PPP2R2D: variants seen among roughly 807,000 people sequenced by gnomAD.
The protein encoded by PPP2R2D is serine/threonine-protein phosphatase 2A 55 kDa regulatory subunit B delta isoform.
A neutral mutation model predicts 31.1 loss-of-function variants in PPP2R2D; 9 were observed. The ratio of observed to expected loss-of-function variants is 0.29; its 90% CI spans 0.17 to 0.51. The LOEUF (loss-of-function observed/expected upper bound fraction) is 0.51, where lower values mean the gene tolerates loss of function less well. Ranked by LOEUF, PPP2R2D falls within the 20% of genes least tolerant of loss-of-function variation. The probability of loss-of-function intolerance (pLI) is 0.98; values close to 1 mark genes in which losing one functional copy is unlikely to be tolerated. For missense variants in PPP2R2D, 391 were observed against 465.6 expected (o/e 0.84, Z 1.48); for synonymous variants, 179 against 172.6 (o/e 1.04, Z -0.29).
At chr10:131,918,330 GTGTT>G (rs1331437466) in intron 2 of PPP2R2D, among the ~76,000 whole-genome samples, 13 of 145,262 alleles carry the variant, frequency 8.9e-5, no homozygotes, top group African/African-American at 2.4e-4. Context: ...GAATGACACA[GTGTT>G]TGTAGGGACC....
At chr10:131,927,416 C>T (rs1353675445) in intron 2 of PPP2R2D, among the ~76,000 whole-genome samples, 4 of 151,322 alleles carry the variant, frequency 2.6e-5, no homozygotes, top group African/African-American at 4.9e-5. Context: ...GCGGGTCGGA[C>T]GGGTGCGCGG....
chr10:131,934,491 C>A lies in PPP2R2D; in HGVS notation c.134C>A (p.Ser45Tyr). 1.3e-6 allele frequency: 1 copy of A among 780,488 alleles called. No homozygotes were observed. Among genetic ancestry groups the A allele is most frequent in the Non-Finnish European group, 2.4e-6 (1 of 417,908 alleles). The allele number at this position is 780,488 out of a possible 1,614,324, so 48.3% of individuals were successfully genotyped here. The change falls in exon 3 of 9, where the codon TCT becomes TAT. Residue 45 changes from serine to tyrosine, a missense_variant. Transcript: ENST00000455566. ...ATTTCCACCGTTGAGTTTAATTACT[C>A]TGGAGATCTTCTTGCAACAGGAGAC... ...DIISTVEFNY[S>Y]GDLLATGDKG...
chr10:131,941,327 CTT>C (rs1311616058), intron 5 of PPP2R2D, among the ~76,000 whole-genome samples: 1 of 152,180 alleles, frequency 6.6e-6, no homozygotes, highest in East Asian at 1.9e-4. Flanking sequence ...ACCTCAATGT[CTT>C]ATAATTGGCC....
intron 2 of PPP2R2D, among the ~76,000 whole-genome samples, chr10:131,908,150 A>G (rs981069742): frequency 6.6e-6 from 1 of 152,210 alleles, no homozygotes; most frequent in Non-Finnish European, 1.5e-5. Context: ...AAACACAAAA[A>G]TAGCAGTTTC....
In PPP2R2D at chr10:131,956,208, A is replaced by G; in HGVS notation, c.*245A>G. On this transcript the variant is annotated 3_prime_UTR_variant, in exon 9 of 9. Coordinates refer to ENST00000455566, the MANE Select transcript of PPP2R2D (RefSeq NM_018461.5). ...GCAGAGTTGACGGACACTGCTCCCA[A>G]AAGGTCATTACTCAGAATAAATGTA... 1 of 1,201,134 alleles carries G rather than the reference A, an allele frequency of 8.3e-7. No individual in the cohort carries two copies. The highest frequency in any genetic ancestry group is 1.0e-6 in the Non-Finnish European group (1 of 968,818). The allele number at this position is 1,201,134 out of a possible 1,614,324, so 74.4% of individuals were successfully genotyped here.
chr10:131,924,067 C>T (rs2036049983), intron 2 of PPP2R2D, among the ~76,000 whole-genome samples: 1 of 152,168 alleles, frequency 6.6e-6, no homozygotes. Context: ...GGATACAAGT[C>T]CCTTATCAGA....
the PPP2R2D span, among the ~76,000 whole-genome samples, chr10:131,966,190 C>T: frequency 2.3e-3 from 353 of 152,276 alleles, no homozygotes; most frequent in African/African-American, 7.8e-3. Context: ...AACGTGTCGG[C>T]GTCACGTTCC....
intron 2 of PPP2R2D, among the ~76,000 whole-genome samples, chr10:131,927,429 T>C (rs1324490528): frequency 6.6e-6 from 1 of 152,058 alleles, no homozygotes. Flanking sequence ...GTGCGCGGGT[T>C]GGAGTACAGG....
In PPP2R2D at chr10:131,957,009, CGTTG is replaced by C. The variant is rs1483723648; in HGVS notation, c.*1050_*1053del. ...TTTTAATTACACGATGCCACCAGTA[CGTTG>C]GTTTATTTTCAAAGTAGGATCTTTG... is the stretch of plus-strand genomic sequence containing the variant. On this transcript the variant is annotated 3_prime_UTR_variant, in exon 9 of 9. Coordinates refer to ENST00000455566, the MANE Select transcript of PPP2R2D (RefSeq NM_018461.5). 3.3e-5 allele frequency: 5 copies of C among 152,396 alleles called. No homozygotes were observed. Among genetic ancestry groups the C allele is most frequent in the Middle Eastern group, 3.4e-3 (1 of 294 alleles). The allele number at this position is 152,396 out of a possible 1,614,324, so 9.4% of individuals were successfully genotyped here.
chr10:131,928,467 C>T (rs1334002798), intron 2 of PPP2R2D, among the ~76,000 whole-genome samples: 1 of 152,190 alleles, frequency 6.6e-6, no homozygotes, highest in Admixed American at 6.5e-5. Flanking sequence ...TTAGGTGATG[C>T]GTTTTAAGTA....
At chr10:131,944,186 G>A (rs373017401) in intron 6 of PPP2R2D, 41 bp downstream of exon 6, 177 of 1,532,766 alleles carry the variant, frequency 1.2e-4, no homozygotes, top group Middle Eastern at 6.1e-4. Context: ...TCCCGAGGGT[G>A]CTCTTTAGAT....
At chr10:131,954,009 AG>A (rs1356683286) in intron 8 of PPP2R2D, among the ~76,000 whole-genome samples, 1 of 152,198 alleles carries the variant, frequency 6.6e-6, no homozygotes, top group Non-Finnish European at 1.5e-5. Context: ...GAGGCGTTTC[AG>A]TGCTGCCTCA....
rs2035484387 is a variant in PPP2R2D at position 131,901,113 on chromosome 10, C to G, written c.-36C>G. The G allele has an allele frequency of 4.3e-6, 1 of 230,932 alleles. No homozygotes were observed. The highest frequency in any genetic ancestry group is 2.3e-5 in the African/African-American group (1 of 42,708). The allele number at this position is 230,932 out of a possible 1,614,324, so 14.3% of individuals were successfully genotyped here. ...GCGGCGCGGAGGCCGTCTCCCTGGT[C>G]TGCCGCGGTCCCCGCCCGTCCCGCC... is the stretch of plus-strand genomic sequence containing the variant. On this transcript the variant is annotated 5_prime_UTR_variant, in exon 1 of 9. Coordinates refer to ENST00000455566, the MANE Select transcript of PPP2R2D (RefSeq NM_018461.5).
chr10:131,906,723 C>G (rs1589919877), intron 2 of PPP2R2D, among the ~76,000 whole-genome samples: 1 of 149,666 alleles, frequency 6.7e-6, no homozygotes, highest in Non-Finnish European at 1.5e-5. Flanking sequence ...CAATTTGAGA[C>G]CAGCCTGGGC....
chr10:131,970,849 T>C, the PPP2R2D span: 1 of 1,614,172 alleles, frequency 6.2e-7, no homozygotes. This position sits in a 1 kb window ranked among gnomAD's most constrained non-coding sequence, Gnocchi z 4.1. Context: ...CCCGTGACAC[T>C]GAGAACACAC....
chr10:131,936,046 A>G (rs2119820045), intron 3 of PPP2R2D, among the ~76,000 whole-genome samples: 1 of 152,136 alleles, frequency 6.6e-6, no homozygotes, highest in East Asian at 1.9e-4. Flanking sequence ...CTGGGCAACA[A>G]GAGTGAGACT....
chr10:131,905,706 G>C (rs1175232122), intron 2 of PPP2R2D, among the ~76,000 whole-genome samples: 1 of 152,226 alleles, frequency 6.6e-6, no homozygotes, highest in African/African-American at 2.4e-5. Flanking sequence ...AGGCGTGGGA[G>C]CAATTAACCT....
intron 2 of PPP2R2D, among the ~76,000 whole-genome samples, 165 bp from the exon 3 acceptor site, chr10:131,934,293 T>C (rs1347340594): frequency 1.3e-5 from 2 of 152,116 alleles, no homozygotes; most frequent in African/African-American, 4.8e-5. Context: ...CCAGAACCAA[T>C]AAGTGGCCAC....
intron 2 of PPP2R2D, among the ~76,000 whole-genome samples, chr10:131,904,405 G>C (rs1298272202): frequency 6.6e-6 from 1 of 151,630 alleles, no homozygotes; most frequent in Non-Finnish European, 1.5e-5. Flanking sequence ...AGCTACTTGG[G>C]AGGCTGAGGC....
Sources: gnomAD v4.1 joint callset for allele counts (sites outside exome capture counted in the v4.1 genomes callset) on GRCh38, gnomAD v4.1.1 for gene constraint, Gnocchi (gnomAD v3.1) non-coding constraint, MANE v1.5 for transcripts, NCBI Gene and HGNC (gene_info 2026-07-23, HGNC 2026-07-21) for gene names.